The following CC2D2B variants were observed in gnomAD, a reference collection of about 807,000 sequenced individuals.
CC2D2B encodes the protein coiled-coil and C2 domain containing 2B.
Under a neutral mutation model 161.2 loss-of-function variants are expected in CC2D2B, and 128 were observed. The ratio of observed to expected loss-of-function variants is 0.79; its 90% CI spans 0.69 to 0.92. The LOEUF is 0.92. Among genes scored for constraint, CC2D2B ranks in the 40% least tolerant of loss-of-function variants. The pLI is 0.00. For missense variants in CC2D2B, 1,173 were observed against 1,375.1 expected (o/e 0.85, Z 2.32); for synonymous variants, 391 against 449.8 (o/e 0.87, Z 1.65).
Position 96,029,564 on chromosome 10 carries a change from G to T in CC2D2B, c.4125+2175G>T, listed in dbSNP as rs187484305. Among the ~76,000 whole-genome samples, 46 of 151,350 alleles carry T rather than the reference G, an allele frequency of 3.0e-4. No individual in the cohort carries two copies. The East Asian group carries it at 8.7e-3, about 29-fold the overall frequency. On this transcript the variant is annotated intron_variant, in intron 34 of 34. Transcript: ENST00000646931. Reference sequence around the variant, plus strand: ...AGATCAATTCCCTGTTATTTGTTCTGGGCAAGAGGACTCCAGGCAAGCTTC... The same window carrying T: ...AGATCAATTCCCTGTTATTTGTTCTTGGCAAGAGGACTCCAGGCAAGCTTC...
intron 18 of CC2D2B, among the ~76,000 whole-genome samples, chr10:95,982,574 CT>C (rs2077569594): frequency 6.6e-6 from 1 of 152,210 alleles, no homozygotes; most frequent in South Asian, 2.1e-4. Context: ...TGCCACTGCT[CT>C]GCCTAGAAGG....
chr10:95,958,311 G>A (rs1442294865), intron 11 of CC2D2B, among the ~76,000 whole-genome samples: 2 of 152,088 alleles, frequency 1.3e-5, no homozygotes, highest in African/African-American at 2.4e-5. Flanking sequence ...AGTTAACATG[G>A]TGAAACCCCA....
At chr10:95,955,137 T>C (rs924513101) in intron 10 of CC2D2B, among the ~76,000 whole-genome samples, 2 of 152,106 alleles carry the variant, frequency 1.3e-5, no homozygotes, top group South Asian at 2.1e-4. Context: ...AATTGATGAA[T>C]TGATTGTCTA....
In CC2D2B at chr10:95,992,526, G is replaced by A; in HGVS notation, c.2472-1G>A. 1 of 1,234,112 alleles carries A rather than the reference G, an allele frequency of 8.1e-7. No individual in the cohort carries two copies. The highest frequency in any genetic ancestry group is 1.5e-5 in the African/African-American group (1 of 64,578). 76.4% of individuals were successfully genotyped at this position (1,234,112 alleles called of 1,614,324 possible). ...GCTAATGATCATTTTTTACCCTTTA[G>A]CCAATTGACAGATGCAGTTTGTAAG... On this transcript the variant is annotated splice_acceptor_variant, in intron 21 of 34. Coordinates refer to ENST00000646931, the MANE Select transcript of CC2D2B (RefSeq NM_001349008.3). LOFTEE classifies it high-confidence loss of function.
At chr10:95,921,843 TG>T (rs2098527999) in intron 2 of CC2D2B, among the ~76,000 whole-genome samples, 172 bp from the exon 3 acceptor site, 1 of 152,146 alleles carries the variant, frequency 6.6e-6, no homozygotes, top group African/African-American at 2.4e-5. Flanking sequence ...ATATACCTAA[TG>T]TAAATGACGA....
intron 22 of CC2D2B, 180 bp downstream of exon 22, chr10:95,992,877 G>A: frequency 4.9e-6 from 2 of 406,854 alleles, no homozygotes. Flanking sequence ...TGTATTAAGA[G>A]TTTTCTGAGG....
intron 16 of CC2D2B, among the ~76,000 whole-genome samples, chr10:95,972,919 A>T (rs182204187): frequency 2.6e-4 from 39 of 152,240 alleles, no homozygotes; most frequent in Non-Finnish European, 4.4e-4. Context: ...GGAAAGAGGG[A>T]GGGACAGAGA....
intron 5 of CC2D2B, among the ~76,000 whole-genome samples, chr10:95,926,815 A>AGTGTGTGTGTGTGGGTGTGTGTGT (rs2098539378): frequency 7.4e-6 from 1 of 134,946 alleles, no homozygotes; most frequent in Non-Finnish European, 1.6e-5. Flanking sequence ...CTGAGGTGGC[A>AGTGTGTGTGTGTGGGTGTGTGTGT]GTGTGTGTGT....
intron 6 of CC2D2B, among the ~76,000 whole-genome samples, chr10:95,930,505 C>A (rs1033207148): frequency 3.3e-5 from 5 of 152,156 alleles, no homozygotes; most frequent in Non-Finnish European, 7.4e-5. Flanking sequence ...CAGCTTCTGC[C>A]CATTCAGTTT....
intron 2 of CC2D2B, among the ~76,000 whole-genome samples, chr10:95,917,324 C>T (rs1010014797): frequency 3.3e-5 from 5 of 152,080 alleles, no homozygotes; most frequent in African/African-American, 1.2e-4. Flanking sequence ...TCCGTTCAGC[C>T]ACTCTATGTC....
chr10:96,019,810 A>C lies in CC2D2B; in HGVS notation c.3874A>C (p.Ile1292Leu), dbSNP rs1363658163. The change falls in exon 32 of 35, where the codon ATA becomes CTA. Residue 1292 changes from isoleucine (I) to leucine (L), a missense_variant. Transcript: ENST00000646931. ...LLPKNVQGTK[I>L]QSIQPEEIIY... ...TCCAAAAAACGTTCAAGGAACAAAA[A>C]TACAAAGCATACAGGTAAATCATAT... 1 of 1,605,216 alleles carries C rather than the reference A, an allele frequency of 6.2e-7. No individual in the cohort carries two copies.
At chr10:96,014,119 TATA>T (rs2079098240) in intron 29 of CC2D2B, among the ~76,000 whole-genome samples, 1 of 152,018 alleles carries the variant, frequency 6.6e-6, no homozygotes, top group Non-Finnish European at 1.5e-5. Flanking sequence ...ATTCCAGGAG[TATA>T]ATATTATGCC....
intron 3 of CC2D2B, among the ~76,000 whole-genome samples, chr10:95,923,511 T>C (rs1366309384): frequency 2.0e-5 from 3 of 152,244 alleles, no homozygotes; most frequent in Non-Finnish European, 2.9e-5. Flanking sequence ...TAGATTCCTG[T>C]CTTTTCAGTT....
At chr10:95,997,467 T>A (rs2078275270) in intron 24 of CC2D2B, among the ~76,000 whole-genome samples, 2 of 152,082 alleles carry the variant, frequency 1.3e-5, no homozygotes. Context: ...CATAGCTCAC[T>A]GCCTCAAACT....
rs139955084 is a variant in CC2D2B at position 95,990,302 on chromosome 10, T to C, written c.2380-1068T>C. ...GGGTGAGTAAGGGCACAATTTTAAA[T>C]AGAAGTGGTCAAAGAATCCGGTAAG... On this transcript the variant is annotated intron_variant, in intron 20 of 34. Coordinates refer to ENST00000646931, the MANE Select transcript of CC2D2B (RefSeq NM_001349008.3). 4.5e-3 allele frequency among the ~76,000 whole-genome samples: 685 copies of C among 152,172 alleles called. 4 individuals are homozygous for C. Among genetic ancestry groups the C allele is most frequent in the Non-Finnish European group, 5.5e-3 (373 of 67,990 alleles).
Position 95,972,155 on chromosome 10 carries a change from G to T in CC2D2B, c.1734G>T (p.Leu578Phe). The change falls in exon 16 of 35, where the codon TTG becomes TTT. Residue 578 changes from leucine (L) to phenylalanine (F), a missense_variant. Transcript: ENST00000646931. ...CAGAGCTGAAAGGCAAAACCGCTTT[G>T]CAATATGTAGAGTTTAGCTCTGATA... ...NYTELKGKTALQYVEFSSDKL... is the reference protein window; with the variant it reads ...NYTELKGKTAFQYVEFSSDKL... The T allele has an allele frequency of 8.1e-7, 1 of 1,231,910 alleles. No individual in the cohort carries two copies. The highest frequency in any genetic ancestry group is 1.6e-5 in the African/African-American group (1 of 64,508). The allele number at this position is 1,231,910 out of a possible 1,614,324, so 76.3% of individuals were successfully genotyped here.
At chr10:95,964,515 AAAT>A (rs1194622036) in intron 12 of CC2D2B, among the ~76,000 whole-genome samples, 2 of 152,132 alleles carry the variant, frequency 1.3e-5, no homozygotes, top group Admixed American at 6.6e-5. Flanking sequence ...AATCCGAAGA[AAAT>A]AATAATAATA....
At position 95,922,013 on chromosome 10, in the gene CC2D2B, C is replaced by T; in HGVS notation, c.37-3C>T. 2 of 1,514,746 alleles carry T rather than the reference C, an allele frequency of 1.3e-6. No individual in the cohort carries two copies. The highest frequency in any genetic ancestry group is 1.8e-6 in the Non-Finnish European group (2 of 1,126,846). 93.8% of individuals were successfully genotyped at this position (1,514,746 alleles called of 1,614,324 possible). ...AGTTTAACCCTCCCTGCTTTTTTTG[C>T]AGATGTCAGAAGAGATGGATAATAT... is the stretch of plus-strand genomic sequence containing the variant. On this transcript the variant is annotated splice_region_variant and splice_polypyrimidine_tract_variant and intron_variant, in intron 2 of 34. Coordinates refer to ENST00000646931, the MANE Select transcript of CC2D2B (RefSeq NM_001349008.3).
At chr10:95,943,994 C>T (rs763527122) in intron 9 of CC2D2B, among the ~76,000 whole-genome samples, 1 of 152,024 alleles carries the variant, frequency 6.6e-6, no homozygotes, top group Non-Finnish European at 1.5e-5. Context: ...TTTCCGTTTA[C>T]CTAGTATTTT....
Sources: allele counts gnomAD v4.1 joint callset (sites outside exome capture counted in the v4.1 genomes callset), GRCh38; gene constraint gnomAD v4.1.1; transcripts MANE v1.5; gene names NCBI Gene and HGNC (gene_info 2026-07-23, HGNC 2026-07-21).